Variants in UBAC2 observed in about 807,000 individuals in gnomAD.
The protein encoded by UBAC2 is ubiquitin-associated domain-containing protein 2.
Under a neutral mutation model 44.0 loss-of-function variants are expected in UBAC2, and 26 were observed. The ratio of observed to expected loss-of-function variants is 0.59; its 90% CI spans 0.43 to 0.82. The LOEUF (loss-of-function observed/expected upper bound fraction) is 0.82. UBAC2 is among the 40% of genes least tolerant of loss of function. The probability of loss-of-function intolerance (pLI) is 0.00; values close to 1 mark genes in which losing one functional copy is unlikely to be tolerated. For missense variants in UBAC2, 329 were observed against 419.4 expected, an observed-to-expected ratio of 0.78 and a Z score of 1.88; for synonymous variants, 155 against 154.3, an observed-to-expected ratio of 1.00 and a Z score of -0.04.
intron 4 of UBAC2, among the ~76,000 whole-genome samples, chr13:99,281,406 C>G (rs1392505195): frequency 6.6e-6 from 1 of 152,030 alleles, no homozygotes; most frequent in Non-Finnish European, 1.5e-5. Context: ...AGTTCTCACA[C>G]TTTGGGCTCA....
intron 1 of UBAC2, among the ~76,000 whole-genome samples, chr13:99,210,756 CTT>C: frequency 6.6e-6 from 1 of 152,152 alleles, no homozygotes; most frequent in Middle Eastern, 3.4e-3. Flanking sequence ...GGATTACAGG[CTT>C]GAACCACCAC....
At chr13:99,382,310 G>T (rs1024598504) in intron 8 of UBAC2, among the ~76,000 whole-genome samples, 1 of 152,212 alleles carries the variant, frequency 6.6e-6, no homozygotes, top group Non-Finnish European at 1.5e-5. Flanking sequence ...GACTTAAAAG[G>T]TCAGGTAGGA....
chr13:99,380,126 CATG>C (rs1446815511), intron 8 of UBAC2, among the ~76,000 whole-genome samples: 1 of 152,180 alleles, frequency 6.6e-6, no homozygotes, highest in Admixed American at 6.5e-5. Flanking sequence ...CAGCCCATCA[CATG>C]AGGTCAGGTG....
chr13:99,349,973 A>G (rs150057167), intron 7 of UBAC2, among the ~76,000 whole-genome samples: 111 of 152,224 alleles, frequency 7.3e-4, no homozygotes, highest in African/African-American at 2.6e-3. Context: ...AGACACTGGC[A>G]TTACCGCTTG....
intron 1 of UBAC2, among the ~76,000 whole-genome samples, chr13:99,217,662 C>T (rs1364672589): frequency 2.6e-5 from 4 of 152,310 alleles, no homozygotes; most frequent in African/African-American, 9.6e-5. Flanking sequence ...GTGCCCACCC[C>T]GCGGTGCTTC....
intron 4 of UBAC2, among the ~76,000 whole-genome samples, chr13:99,285,290 C>A (rs938346389): frequency 6.6e-6 from 1 of 152,030 alleles, no homozygotes; most frequent in African/African-American, 2.4e-5. Flanking sequence ...TCCTCCTCTT[C>A]CTCCTCTTCT....
chr13:99,296,130 C>T lies in UBAC2; in HGVS notation c.390-17967C>T, dbSNP rs769169278. 14 of 1,598,968 alleles carry T rather than the reference C, an allele frequency of 8.8e-6. No homozygotes were observed. In the Middle Eastern group the frequency reaches 5.0e-4, roughly 57 times the overall value. ...GCAGAGGGCGGAGTAAAATTGTTTGCCATTTGTATATCCATTGGTGGTGGT... is the reference window on the plus strand; with the variant it reads ...GCAGAGGGCGGAGTAAAATTGTTTGTCATTTGTATATCCATTGGTGGTGGT... On this transcript the variant is annotated intron_variant, in intron 4 of 8. Transcript: ENST00000403766.
At chr13:99,358,463 A>T (rs950407330) in intron 7 of UBAC2, among the ~76,000 whole-genome samples, 2 of 152,244 alleles carry the variant, frequency 1.3e-5, no homozygotes, top group Admixed American at 1.3e-4. Context: ...AATGGAAAAC[A>T]GTGCCACTCT....
intron 4 of UBAC2, among the ~76,000 whole-genome samples, chr13:99,271,839 T>C (rs2043819836): frequency 6.6e-6 from 1 of 152,160 alleles, no homozygotes; most frequent in South Asian, 2.1e-4. Context: ...TACTGCTGGG[T>C]CCTGAGGGGT....
intron 5 of UBAC2, chr13:99,314,601 A>C (rs1342022052): frequency 6.4e-6 from 1 of 157,306 alleles, no homozygotes; most frequent in African/African-American, 2.4e-5. Context: ...TATTGAATAC[A>C]GTGTCGCAAA....
chr13:99,368,859 G>A (rs938767249), intron 8 of UBAC2, among the ~76,000 whole-genome samples: 12 of 152,224 alleles, frequency 7.9e-5, no homozygotes, highest in South Asian at 2.1e-4. Context: ...TTAGGAAAAC[G>A]GTGGATTCCA....
chr13:99,251,065 T>C (rs2043452981), intron 4 of UBAC2, among the ~76,000 whole-genome samples: 1 of 152,216 alleles, frequency 6.6e-6, no homozygotes, highest in Non-Finnish European at 1.5e-5. Flanking sequence ...CTTTGATTTT[T>C]TTCAGCAGTG....
intron 4 of UBAC2, among the ~76,000 whole-genome samples, chr13:99,273,846 A>G (rs1156737607): frequency 6.8e-6 from 1 of 147,426 alleles, no homozygotes; most frequent in Non-Finnish European, 1.5e-5. Flanking sequence ...AGTCTCCTGG[A>G]CAGGTCCAGT....
chr13:99,247,340 G>A (rs376254263), intron 4 of UBAC2, among the ~76,000 whole-genome samples: 4 of 151,374 alleles, frequency 2.6e-5, no homozygotes, highest in Non-Finnish European at 5.9e-5. Flanking sequence ...TCAGCCTCCC[G>A]AGTAGCTGGG....
intron 4 of UBAC2, chr13:99,258,530 A>G (rs1028386962): frequency 5.3e-5 from 8 of 152,234 alleles, no homozygotes; most frequent in Non-Finnish European, 8.8e-5. Flanking sequence ...AGATAATTAT[A>G]TACAAAGGAT....
At chr13:99,316,444 G>C (rs2044491939) in intron 5 of UBAC2, among the ~76,000 whole-genome samples, 1 of 152,098 alleles carries the variant, frequency 6.6e-6, no homozygotes, top group Non-Finnish European at 1.5e-5. Context: ...AATGAATGAA[G>C]ACTTGAATCA....
intron 1 of UBAC2, among the ~76,000 whole-genome samples, chr13:99,210,118 GA>G (rs978003279): frequency 3.3e-5 from 5 of 151,722 alleles, no homozygotes; most frequent in Admixed American, 6.6e-5. Flanking sequence ...TTGGAAAATA[GA>G]AAAAAAACGG....
chr13:99,330,942 C>T (rs556955694), intron 6 of UBAC2, among the ~76,000 whole-genome samples: 3 of 151,986 alleles, frequency 2.0e-5, no homozygotes, highest in Admixed American at 6.6e-5. Flanking sequence ...GAGGATGGTC[C>T]GCTTGTTAAA....
At position 99,221,931 on chromosome 13, in the gene UBAC2, A is replaced by G. The variant is rs138839064; in HGVS notation, c.32-16496A>G. 7.5e-3 allele frequency among the ~76,000 whole-genome samples: 1,140 copies of G among 152,272 alleles called. 10 individuals carry two copies. The highest frequency in any genetic ancestry group is 0.057 in the South Asian group (277 of 4,830). The stretch of plus-strand genomic sequence containing the variant: ...TACTCTTAGAGGAACCCCGGCTAAG[A>G]CATTTTCTAGTCATGGATAGGTAAT... On this transcript the variant is annotated intron_variant, in intron 1 of 8. Coordinates refer to ENST00000403766, the MANE Select transcript of UBAC2 (RefSeq NM_001144072.2).
Sources: allele counts gnomAD v4.1 joint callset (sites outside exome capture counted in the v4.1 genomes callset), GRCh38; gene constraint gnomAD v4.1.1; transcripts MANE v1.5; gene names NCBI Gene and HGNC (gene_info 2026-07-23, HGNC 2026-07-21).